The following PEAK1 variants were observed in gnomAD, a reference collection of about 807,000 sequenced individuals.
PEAK1 encodes pseudopodium enriched atypical kinase 1, also known as inactive tyrosine-protein kinase PEAK1.
PEAK1 carries 54 observed loss-of-function variants against 124.7 expected under a neutral mutation model. The ratio of observed to expected loss-of-function variants is 0.43; its 90% CI spans 0.35 to 0.54. The LOEUF is 0.54. Among genes scored for constraint, PEAK1 ranks in the 20% least tolerant of loss-of-function variants. The pLI, the probability that PEAK1 is intolerant of heterozygous loss-of-function variation, is 0.01. For missense variants in PEAK1, 2,046 were observed against 2,134.5 expected (o/e 0.96, Z 0.82); for synonymous variants, 719 against 760.0 (o/e 0.95, Z 0.89).
intron 2 of PEAK1, among the ~76,000 whole-genome samples, chr15:77,308,744 C>T (rs556133199): frequency 1.3e-5 from 2 of 152,192 alleles, no homozygotes; most frequent in East Asian, 3.9e-4. Flanking sequence ...ACAGGCATCA[C>T]CCCTTAATTA....
chr15:77,179,610 A>G lies in PEAK1; in HGVS notation c.2317T>C (p.Ser773Pro), dbSNP rs1343150075. Residue 773 changes from serine (S) to proline (P), a missense_variant, in exon 7 of 10, where the codon TCA (serine) becomes CCA (proline). Coordinates refer to ENST00000682557, the MANE Select transcript of PEAK1 (RefSeq NM_001385026.1). Reference protein sequence around the residue: ...ASTVLSQIVASIQPPQSPPET... With the variant: ...ASTVLSQIVAPIQPPQSPPET... ...GGAGGAGACTGTGGGGGTTGGATTG[A>G]AGCCACAATCTGAGAAAGCACTGTG... 6.2e-7 allele frequency: 1 copy of G among 1,614,114 alleles called. No homozygotes were observed. The highest frequency in any genetic ancestry group is 1.7e-5 in the Admixed American group (1 of 59,998).
chr15:77,298,609 A>G (rs575220873), intron 2 of PEAK1, among the ~76,000 whole-genome samples: 2 of 152,100 alleles, frequency 1.3e-5, no homozygotes, highest in Non-Finnish European at 2.9e-5. Context: ...AACATAATAA[A>G]TTAAATGGTG....
At chr15:77,253,247 G>A (rs564586272) in intron 5 of PEAK1, among the ~76,000 whole-genome samples, 1 of 148,366 alleles carries the variant, frequency 6.7e-6, no homozygotes, top group Non-Finnish European at 1.5e-5. Flanking sequence ...GTATGCGTTG[G>A]GGGGGGGGTG....
chr15:77,335,617 TAC>T, intron 2 of PEAK1: 3 of 638,652 alleles, frequency 4.7e-6, no homozygotes, highest in Non-Finnish European at 5.8e-6. Context: ...TATCTAGGAC[TAC>T]AGGCGTGCAC....
intron 7 of PEAK1, among the ~76,000 whole-genome samples, chr15:77,168,235 G>GCACACACACA (rs768288460): frequency 1.7e-5 from 1 of 59,582 alleles, no homozygotes; most frequent in African/African-American, 5.6e-5. Flanking sequence ...GCATGTGCGC[G>GCACACACACA]CGCACACACA....
intron 5 of PEAK1, among the ~76,000 whole-genome samples, chr15:77,269,421 G>C (rs1216884321): frequency 1.3e-5 from 2 of 152,086 alleles, no homozygotes; most frequent in Admixed American, 6.6e-5. Context: ...AAACGACAAA[G>C]AGAGATACTA....
intron 1 of PEAK1, among the ~76,000 whole-genome samples, chr15:77,384,653 C>T (rs1358825826): frequency 6.6e-6 from 1 of 152,108 alleles, no homozygotes; most frequent in African/African-American, 2.4e-5. Flanking sequence ...TTTATATAAA[C>T]CTTATTGACA....
chr15:77,302,976 T>C (rs1372116353), intron 2 of PEAK1, among the ~76,000 whole-genome samples: 1 of 152,126 alleles, frequency 6.6e-6, no homozygotes, highest in Non-Finnish European at 1.5e-5. Context: ...TTTTACCAAC[T>C]CTCTAATTTT....
intron 6 of PEAK1, among the ~76,000 whole-genome samples, chr15:77,218,346 T>C (rs1481717477): frequency 6.6e-6 from 1 of 152,178 alleles, no homozygotes; most frequent in East Asian, 1.9e-4. Flanking sequence ...AAAATGTCAT[T>C]TGACTTTGTC....
At chr15:77,319,190 G>C (rs1414457107) in intron 2 of PEAK1, among the ~76,000 whole-genome samples, 1 of 151,554 alleles carries the variant, frequency 6.6e-6, no homozygotes, top group African/African-American at 2.4e-5. Context: ...AAATTATTCT[G>C]GTCTATAACA....
chr15:77,118,787 T>C (rs2051629011), intron 9 of PEAK1, among the ~76,000 whole-genome samples: 1 of 152,216 alleles, frequency 6.6e-6, no homozygotes, highest in Non-Finnish European at 1.5e-5. Context: ...AAAAATAAAC[T>C]AGAACTGGAA....
At chr15:77,357,480 C>T (rs1356187340) in intron 2 of PEAK1, among the ~76,000 whole-genome samples, 1 of 152,032 alleles carries the variant, frequency 6.6e-6, no homozygotes, top group East Asian at 1.9e-4. Flanking sequence ...ACCATGTTGG[C>T]CAAAGCTGGT....
chr15:77,292,603 C>T (rs1453571297), intron 2 of PEAK1, among the ~76,000 whole-genome samples: 1 of 151,964 alleles, frequency 6.6e-6, no homozygotes, highest in Non-Finnish European at 1.5e-5. Flanking sequence ...AAGAGTATCA[C>T]CTTGTCCAAC....
At chr15:77,356,924 T>A (rs1324875230) in intron 2 of PEAK1, among the ~76,000 whole-genome samples, 3 of 152,128 alleles carry the variant, frequency 2.0e-5, no homozygotes, top group East Asian at 3.9e-4. Context: ...ACGAATGAAG[T>A]AGATCTACAT....
intron 6 of PEAK1, among the ~76,000 whole-genome samples, chr15:77,186,530 C>A (rs959841168): frequency 5.2e-4 from 79 of 152,238 alleles, no homozygotes; most frequent in African/African-American, 1.8e-3. Context: ...AAGTTTGTGT[C>A]CATCTGTATT....
At chr15:77,248,669 C>CT (rs1217383134) in intron 6 of PEAK1, among the ~76,000 whole-genome samples, 1 of 152,198 alleles carries the variant, frequency 6.6e-6, no homozygotes, top group Non-Finnish European at 1.5e-5. Context: ...ACTCCCCAGC[C>CT]TTCAGAACCA....
intron 1 of PEAK1, among the ~76,000 whole-genome samples, chr15:77,414,042 T>TA (rs2072630428): frequency 6.7e-6 from 1 of 148,672 alleles, no homozygotes; most frequent in South Asian, 2.1e-4. Context: ...AGGCTGGTCT[T>TA]AAACTCCTGG....
At chr15:77,315,208 C>A (rs1422051932) in intron 2 of PEAK1, among the ~76,000 whole-genome samples, 1 of 152,134 alleles carries the variant, frequency 6.6e-6, no homozygotes, top group Admixed American at 6.5e-5. Context: ...TTGAATAGAT[C>A]TTTATAACCT....
At chr15:77,188,721 C>T (rs1340536774) in intron 6 of PEAK1, among the ~76,000 whole-genome samples, 1 of 152,032 alleles carries the variant, frequency 6.6e-6, no homozygotes, top group Non-Finnish European at 1.5e-5. Context: ...GAAGTTTTGC[C>T]TAACTCGATT....
Sources: gnomAD v4.1 joint callset for allele counts (sites outside exome capture counted in the v4.1 genomes callset) on GRCh38, gnomAD v4.1.1 for gene constraint, MANE v1.5 for transcripts, NCBI Gene and HGNC (gene_info 2026-07-23, HGNC 2026-07-21) for gene names.